BTBD1: variants seen among roughly 807,000 people sequenced by gnomAD.
BTBD1 encodes the protein BTB domain containing 1, also known as BTB/POZ domain-containing protein 1.
BTBD1 carries 34 observed loss-of-function variants against 48.0 expected under a neutral mutation model. That is an observed-to-expected ratio of 0.71 (90% CI 0.54 to 0.94). The LOEUF is 0.94. Ranked by LOEUF, BTBD1 falls within the 40% of genes least tolerant of loss-of-function variation. The pLI, the probability that BTBD1 is intolerant of heterozygous loss-of-function variation, is 0.00. For missense variants in BTBD1, 543 were observed against 625.6 expected (o/e 0.87, Z 1.41); for synonymous variants, 261 against 242.1 (o/e 1.08, Z -0.72).
intron 6 of BTBD1, among the ~76,000 whole-genome samples, chr15:83,019,235 T>C (rs1449490887): frequency 6.6e-6 from 1 of 152,098 alleles, no homozygotes; most frequent in African/African-American, 2.4e-5. Context: ...AATTTTTTTG[T>C]ATTTTTAGTA....
intron 2 of BTBD1, among the ~76,000 whole-genome samples, chr15:83,054,719 G>A (rs1235293343): frequency 3.3e-5 from 5 of 151,928 alleles, no homozygotes; most frequent in Non-Finnish European, 5.9e-5. Context: ...GTGCCATCAC[G>A]CCCAGCTAAT....
At chr15:83,064,895 A>G (rs2033234708) in intron 1 of BTBD1, among the ~76,000 whole-genome samples, 2 of 152,354 alleles carry the variant, frequency 1.3e-5, no homozygotes, top group Middle Eastern at 6.8e-3. Context: ...ACTAAATTAC[A>G]GAAAATATCA....
intron 4 of BTBD1, among the ~76,000 whole-genome samples, chr15:83,037,853 C>A (rs914868110): frequency 1.3e-5 from 2 of 152,128 alleles, no homozygotes; most frequent in Non-Finnish European, 2.9e-5. Context: ...GAGGCCAAGA[C>A]AGGGTGGATC....
At chr15:83,048,029 T>C (rs2032911004) in intron 3 of BTBD1, among the ~76,000 whole-genome samples, 1 of 152,150 alleles carries the variant, frequency 6.6e-6, no homozygotes, top group African/African-American at 2.4e-5. Flanking sequence ...AAGAGACCAC[T>C]GCAATTATCC....
chr15:83,051,877 T>TACACACACACACACACACACAC (rs113253261), intron 2 of BTBD1, among the ~76,000 whole-genome samples: 3,475 of 138,782 alleles, frequency 0.025, 64 homozygotes, highest in Middle Eastern at 0.03. Context: ...TCCATATATA[T>TACACACACACACACACACACAC]ACACACACAC....
At chr15:83,036,732 A>T (rs74028210) in intron 4 of BTBD1, among the ~76,000 whole-genome samples, 339 of 152,350 alleles carry the variant, frequency 2.2e-3, no homozygotes, top group African/African-American at 7.6e-3. Flanking sequence ...AAGCAATGAA[A>T]AAGAATGAAC....
At chr15:83,036,663 T>C (rs1309794691) in intron 4 of BTBD1, among the ~76,000 whole-genome samples, 1 of 152,110 alleles carries the variant, frequency 6.6e-6, no homozygotes, top group African/African-American at 2.4e-5. Context: ...AAATAATCCA[T>C]ATATCCAACA....
intron 2 of BTBD1, 82 bp downstream of exon 2, chr15:83,056,307 C>T (rs2033080385): frequency 1.2e-6 from 1 of 845,688 alleles, no homozygotes; most frequent in East Asian, 2.6e-5. Flanking sequence ...ATCTAGAATT[C>T]TCCAGGAAAT....
At chr15:83,065,800 A>G (rs912135705) in intron 1 of BTBD1, among the ~76,000 whole-genome samples, 7 of 152,216 alleles carry the variant, frequency 4.6e-5, no homozygotes, top group Non-Finnish European at 1.0e-4. Context: ...AATGCCAAAC[A>G]ATCACCTTTT....
chr15:83,034,018 G>T (rs1261526810), intron 4 of BTBD1, among the ~76,000 whole-genome samples: 1 of 150,248 alleles, frequency 6.7e-6, no homozygotes, highest in Non-Finnish European at 1.5e-5. Context: ...AGCCCAGGAG[G>T]TTGACGCTGG....
At chr15:83,036,001 C>T (rs1386529256) in intron 4 of BTBD1, among the ~76,000 whole-genome samples, 1 of 148,486 alleles carries the variant, frequency 6.7e-6, no homozygotes, top group Admixed American at 6.7e-5. Flanking sequence ...GCATAACAAC[C>T]AAGTCTGATT....
chr15:83,056,667 C>T, intron 1 of BTBD1, 122 bp from the exon 2 acceptor site: 1 of 585,934 alleles, frequency 1.7e-6, no homozygotes, highest in Non-Finnish European at 2.8e-6. Flanking sequence ...ATCCATCCAT[C>T]CACCCACCCA....
intron 3 of BTBD1, among the ~76,000 whole-genome samples, chr15:83,046,349 G>A (rs1207452420): frequency 3.3e-5 from 5 of 152,264 alleles, no homozygotes; most frequent in Middle Eastern, 3.4e-3. Flanking sequence ...CAAACACATA[G>A]GTCTTCTACT....
At chr15:83,041,168 GAA>G (rs542048466) in intron 4 of BTBD1, among the ~76,000 whole-genome samples, 3 of 104,840 alleles carry the variant, frequency 2.9e-5, no homozygotes, top group African/African-American at 1.1e-4. Flanking sequence ...AGAAAAAAAA[GAA>G]AAAAAAAAAA....
intron 1 of BTBD1, among the ~76,000 whole-genome samples, chr15:83,064,538 A>C (rs1429148438): frequency 6.6e-6 from 1 of 152,142 alleles, no homozygotes; most frequent in Admixed American, 6.5e-5. Context: ...TTTCCTCTAC[A>C]TTCTTATCCT....
At chr15:83,040,636 G>A (rs977611662) in intron 4 of BTBD1, among the ~76,000 whole-genome samples, 21 of 147,742 alleles carry the variant, frequency 1.4e-4, no homozygotes, top group Non-Finnish European at 2.4e-4. Context: ...GGAGATGGAC[G>A]TTGCGGTGAG....
chr15:83,031,075 T>C (rs1221736479), intron 4 of BTBD1, among the ~76,000 whole-genome samples: 1 of 152,242 alleles, frequency 6.6e-6, no homozygotes, highest in Non-Finnish European at 1.5e-5. Context: ...ATGGTATTTC[T>C]AGTTCTAGAT....
intron 1 of BTBD1, among the ~76,000 whole-genome samples, chr15:83,059,929 T>G (rs2033150492): frequency 6.6e-6 from 1 of 152,238 alleles, no homozygotes; most frequent in Non-Finnish European, 1.5e-5. Context: ...CACCCTTGAC[T>G]CTAGTTTATT....
intron 5 of BTBD1, 62 bp from the exon 6 acceptor site, chr15:83,020,824 T>C: frequency 9.2e-7 from 1 of 1,090,424 alleles, no homozygotes; most frequent in South Asian, 1.4e-5. Context: ...TCTGAAGGGT[T>C]ATAATTTTTT....
Sources: gnomAD v4.1 joint callset for allele counts (sites outside exome capture counted in the v4.1 genomes callset) on GRCh38, gnomAD v4.1.1 for gene constraint, MANE v1.5 for transcripts, NCBI Gene and HGNC (gene_info 2026-07-23, HGNC 2026-07-21) for gene names.